The following FMN1 variants were observed in gnomAD, a reference collection of about 807,000 sequenced individuals.
FMN1 encodes formin-1.
A neutral mutation model predicts 132.4 loss-of-function variants in FMN1; 110 were observed. The ratio of observed to expected loss-of-function variants is 0.83; its 90% CI spans 0.71 to 0.97. The LOEUF is 0.97. Ranked by LOEUF, FMN1 falls within the 50% of genes least tolerant of loss-of-function variation. The pLI, the probability that FMN1 is intolerant of heterozygous loss-of-function variation, is 0.00. For synonymous variants in FMN1, 722 were observed against 651.7 expected, an observed-to-expected ratio of 1.11 and a Z score of -1.64; for missense variants, 1,792 against 1,705.3, an observed-to-expected ratio of 1.05 and a Z score of -0.90.
intron 4 of FMN1, among the ~76,000 whole-genome samples, chr15:33,139,391 T>A (rs762651466): frequency 6.6e-6 from 1 of 152,080 alleles, no homozygotes; most frequent in East Asian, 1.9e-4. Flanking sequence ...GGTCAGGAGA[T>A]CCAGACTATC....
At chr15:32,873,681 A>C (rs1340644247) in intron 16 of FMN1, among the ~76,000 whole-genome samples, 3 of 152,192 alleles carry the variant, frequency 2.0e-5, no homozygotes, top group Admixed American at 1.3e-4. Flanking sequence ...GTTGAGAAGA[A>C]CAAGACGGCT....
chr15:33,004,764 A>G (rs989443284), intron 7 of FMN1, among the ~76,000 whole-genome samples: 2 of 152,204 alleles, frequency 1.3e-5, no homozygotes, highest in African/African-American at 4.8e-5. Flanking sequence ...CACTATTCAC[A>G]ATAGCAAAAA....
chr15:33,192,947 C>T (rs1966128401), intron 2 of FMN1, among the ~76,000 whole-genome samples: 1 of 152,096 alleles, frequency 6.6e-6, no homozygotes. Context: ...AAGCAACTTG[C>T]AAAAATCACT....
intron 17 of FMN1, among the ~76,000 whole-genome samples, chr15:32,822,801 G>C (rs1185130411): frequency 1.4e-5 from 2 of 147,086 alleles, no homozygotes; most frequent in African/African-American, 2.7e-5. Flanking sequence ...TTATGAAGGT[G>C]TCTGTATCTT....
chr15:33,108,015 G>C (rs1255437629), intron 4 of FMN1, among the ~76,000 whole-genome samples: 1 of 152,076 alleles, frequency 6.6e-6, no homozygotes, highest in Non-Finnish European at 1.5e-5. Context: ...TTGGGAGTGA[G>C]GGACTAGAAT....
chr15:32,943,744 G>C (rs2061446241), intron 9 of FMN1, among the ~76,000 whole-genome samples: 1 of 152,196 alleles, frequency 6.6e-6, no homozygotes, highest in Admixed American at 6.5e-5. Context: ...TTAGAGAGCA[G>C]TATCTTTGTG....
rs1372060213 is a variant in FMN1, at chr15:32,769,654, A to T, written c.*4656T>A. The stretch of plus-strand genomic sequence containing the variant: ...GTTTCTCTCTATAGCTGGAAAATGG[A>T]AATATATCCAAGTTATTTGCATTTT... On this transcript the variant is annotated 3_prime_UTR_variant, in exon 21 of 21. Transcript: ENST00000616417. 6 of 71,504 alleles carry T rather than the reference A, an allele frequency of 8.4e-5. No individual in the cohort carries two copies. The highest frequency in any genetic ancestry group is 1.6e-4 in the Non-Finnish European group (4 of 24,454). The allele number at this position is 71,504 out of a possible 1,614,324, so 4.4% of individuals were successfully genotyped here.
chr15:33,037,815 A>G (rs1453083684), intron 6 of FMN1, among the ~76,000 whole-genome samples: 1 of 152,240 alleles, frequency 6.6e-6, no homozygotes, highest in African/African-American at 2.4e-5. Context: ...AACACTTACT[A>G]AGATTTTTCT....
intron 7 of FMN1, among the ~76,000 whole-genome samples, chr15:32,990,447 T>A (rs1404546995): frequency 6.6e-6 from 1 of 152,182 alleles, no homozygotes; most frequent in Non-Finnish European, 1.5e-5. Context: ...GGACAATTAC[T>A]TCATCTGTTT....
chr15:32,864,565 A>G (rs964440387), intron 16 of FMN1, among the ~76,000 whole-genome samples: 1 of 152,172 alleles, frequency 6.6e-6, no homozygotes, highest in African/African-American at 2.4e-5. Flanking sequence ...TAATGACTCT[A>G]TTCATCCAAA....
At chr15:33,149,188 A>G (rs1448728232) in intron 4 of FMN1, among the ~76,000 whole-genome samples, 1 of 152,084 alleles carries the variant, frequency 6.6e-6, no homozygotes, top group African/African-American at 2.4e-5. Context: ...TTGACCCTCA[A>G]TAAGGAATGT....
intron 4 of FMN1, among the ~76,000 whole-genome samples, chr15:33,134,194 C>T (rs1226894400): frequency 2.0e-5 from 3 of 152,178 alleles, no homozygotes; most frequent in African/African-American, 7.2e-5. Context: ...AGTGATCTTC[C>T]TGTCTCGGCC....
chr15:32,791,525 A>T (rs983597643), intron 19 of FMN1, among the ~76,000 whole-genome samples: 3 of 152,206 alleles, frequency 2.0e-5, no homozygotes, highest in Non-Finnish European at 4.4e-5. Context: ...TTTTGGAAAG[A>T]TAATTGGATG....
intron 9 of FMN1, among the ~76,000 whole-genome samples, chr15:32,945,245 A>G (rs901703152): frequency 6.6e-6 from 1 of 152,168 alleles, no homozygotes; most frequent in Non-Finnish European, 1.5e-5. Context: ...GTATGTTTCT[A>G]TAATCCCTGA....
chr15:33,077,808 A>C (rs956861983), intron 5 of FMN1, among the ~76,000 whole-genome samples: 21 of 151,408 alleles, frequency 1.4e-4, no homozygotes, highest in African/African-American at 4.8e-4. Context: ...AAAAAAAAAA[A>C]CATCAAAAAG....
At chr15:33,015,104 C>T (rs2034962047) in intron 6 of FMN1, among the ~76,000 whole-genome samples, 1 of 152,184 alleles carries the variant, frequency 6.6e-6, no homozygotes, top group East Asian at 1.9e-4. Flanking sequence ...CCAATAATAT[C>T]ATTCAGACCC....
chr15:32,888,590 C>T lies in FMN1; in HGVS notation c.3715-298G>A, dbSNP rs190445704. On this transcript the variant is annotated intron_variant, in intron 15 of 20. Transcript: ENST00000616417. ...GGTCGTCCTGATCTTGGACACTCCA[C>T]TCCCATGAAAAATGGAAGAGGGGAA... is the stretch of plus-strand genomic sequence containing the variant. 3.3e-5 allele frequency among the ~76,000 whole-genome samples: 5 copies of T among 152,348 alleles called. No homozygotes were observed. The East Asian group carries it at 9.6e-4, about 29-fold the overall frequency.
intron 6 of FMN1, among the ~76,000 whole-genome samples, chr15:33,046,135 A>T (rs12900388): frequency 0.039 from 5,948 of 152,238 alleles, 168 homozygotes; most frequent in African/African-American, 0.08. Context: ...ACTTGTGAAA[A>T]TATCAATCTC....
At chr15:33,063,885 A>T (rs1304890689) in intron 6 of FMN1, 1 of 152,218 alleles carries the variant, frequency 6.6e-6, no homozygotes, top group East Asian at 1.9e-4. Context: ...TTGGAAAATC[A>T]AATGTGGGAA....
Sources: allele counts gnomAD v4.1 joint callset (sites outside exome capture counted in the v4.1 genomes callset), GRCh38; gene constraint gnomAD v4.1.1; transcripts MANE v1.5; gene names NCBI Gene and HGNC (gene_info 2026-07-23, HGNC 2026-07-21).